Variants in KIF15 observed in about 807,000 individuals in gnomAD.
KIF15 encodes the protein kinesin family member 15, also known as kinesin-like protein KIF15.
A neutral mutation model predicts 190.6 loss-of-function variants in KIF15; 140 were observed. The ratio of observed to expected loss-of-function variants is 0.73; its 90% CI spans 0.64 to 0.84. The LOEUF is 0.84. Ranked by LOEUF, KIF15 falls within the 40% of genes least tolerant of loss-of-function variation. KIF15 has a pLI of 0.00. For missense variants in KIF15, 1,372 were observed against 1,584.4 expected (o/e 0.87, Z 2.28); for synonymous variants, 528 against 551.3 (o/e 0.96, Z 0.59).
chr3:44,776,158 TC>T (rs1458966490), intron 3 of KIF15, among the ~76,000 whole-genome samples: 2 of 151,984 alleles, frequency 1.3e-5, no homozygotes, highest in Non-Finnish European at 2.9e-5. Flanking sequence ...ACTGAAACGT[TC>T]CATAAATATT....
intron 20 of KIF15, among the ~76,000 whole-genome samples, chr3:44,823,907 GTA>G (rs1385351348): frequency 1.3e-5 from 2 of 152,170 alleles, no homozygotes; most frequent in Non-Finnish European, 2.9e-5. Flanking sequence ...ATTTTTCCAG[GTA>G]CAGTCTGTCA....
intron 7 of KIF15, among the ~76,000 whole-genome samples, chr3:44,789,688 A>G (rs1160653006): frequency 1.1e-5 from 1 of 95,170 alleles, no homozygotes; most frequent in Non-Finnish European, 2.2e-5. Context: ...ATATATATAT[A>G]TATAAAATAG....
chr3:44,845,516 TA>T (rs371915410), intron 30 of KIF15, among the ~76,000 whole-genome samples: 43 of 146,574 alleles, frequency 2.9e-4, no homozygotes, highest in Admixed American at 3.4e-4. Flanking sequence ...CTCTGGCACC[TA>T]AAAAAAAAAG....
At chr3:44,845,984 G>C (rs1458963744) in intron 30 of KIF15, among the ~76,000 whole-genome samples, 2 of 152,306 alleles carry the variant, frequency 1.3e-5, no homozygotes, top group African/African-American at 2.4e-5. Context: ...ATACATTAAT[G>C]GCCCGTCATA....
Position 44,810,960 on chromosome 3 carries a change from A to T in KIF15, c.2086A>T (p.Asn696Tyr). The change falls in exon 17 of 35, where the codon AAT (asparagine) becomes TAT (tyrosine). Residue 696 changes from asparagine (N) to tyrosine (Y), a missense_variant. Transcript: ENST00000326047. ...CACTCAGAATTCTAGCATATTAGAT[A>T]ATGATATATTAAATGAGCCAGTTCC... is the stretch of plus-strand genomic sequence containing the variant. ...LYTQNSSILD[N>Y]DILNEPVPPE... 1.2e-6 allele frequency: 2 copies of T among 1,613,420 alleles called. No homozygotes were observed. The highest frequency in any genetic ancestry group is 8.5e-7 in the Non-Finnish European group (1 of 1,179,656).
In KIF15 at chr3:44,838,356, C is replaced by T. The variant is rs1449773460; in HGVS notation, c.3253C>T (p.Leu1085=). 1.2e-6 allele frequency: 2 copies of T among 1,614,074 alleles called. No individual in the cohort carries two copies. The highest frequency in any genetic ancestry group is 2.2e-5 in the East Asian group (1 of 44,872). ...LTEASKKHSG[L]LQSAQEELTK... is the part of the protein sequence containing the mutation. The stretch of plus-strand genomic sequence containing the variant: ...AGAGGCCTCAAAAAAACACTCGGGG[C>T]TGCTGCAGTCTGCCCAGGAAGAACT... Residue 1085 remains leucine, a synonymous_variant, in exon 27 of 35, where the codon CTG becomes TTG. Transcript: ENST00000326047.
chr3:44,777,668 A>C (rs1043220796), intron 3 of KIF15, among the ~76,000 whole-genome samples: 1 of 152,224 alleles, frequency 6.6e-6, no homozygotes, highest in Non-Finnish European at 1.5e-5. Context: ...TAAAGGCGAC[A>C]GAGTGAGACT....
chr3:44,835,428 G>A (rs1490059658), intron 26 of KIF15, among the ~76,000 whole-genome samples: 1 of 151,930 alleles, frequency 6.6e-6, no homozygotes. Context: ...TTTTTGTAGA[G>A]ATGAGGTTTC....
chr3:44,811,117 C>A, intron 17 of KIF15, 74 bp downstream of exon 17: 2 of 1,162,672 alleles, frequency 1.7e-6, no homozygotes, highest in South Asian at 1.5e-5. Flanking sequence ...TTTTAATTCC[C>A]TATAAGTTAC....
intron 4 of KIF15, 152 bp downstream of exon 4, chr3:44,778,343 A>C: frequency 1.5e-6 from 1 of 667,604 alleles, no homozygotes; most frequent in South Asian, 1.8e-5. Flanking sequence ...TGGGTCTCTC[A>C]CAGGTAAAAT....
At chr3:44,849,518 C>T (rs1455318920) in intron 32 of KIF15, among the ~76,000 whole-genome samples, 1 of 151,958 alleles carries the variant, frequency 6.6e-6, no homozygotes, top group East Asian at 1.9e-4. Flanking sequence ...AAAGCTCTTG[C>T]CATTCTTTTA....
chr3:44,826,364 T>A lies in KIF15; in HGVS notation c.2701-11T>A, dbSNP rs1697648066. The A allele has an allele frequency of 6.2e-7, 1 of 1,608,482 alleles. No homozygotes were observed. Among genetic ancestry groups the A allele is most frequent in the African/African-American group, 1.3e-5 (1 of 74,746 alleles). ...AGTAACAGTTACTTAAAATCTAATG[T>A]TGTCTTTTAGAATTTGATGGAGCTT... On this transcript the variant is annotated splice_polypyrimidine_tract_variant and intron_variant, in intron 21 of 34. Transcript: ENST00000326047.
chr3:44,861,798 C>A (rs1699250808), intron 6 of KIF15: 1 of 1,117,422 alleles, frequency 8.9e-7, no homozygotes, highest in Non-Finnish European at 1.3e-6. Flanking sequence ...CGCCGGAGAG[C>A]GATTCCCAAG....
At chr3:44,837,489 A>G (rs1698376939) in intron 26 of KIF15, among the ~76,000 whole-genome samples, 1 of 152,208 alleles carries the variant, frequency 6.6e-6, no homozygotes, top group South Asian at 2.1e-4. Flanking sequence ...GAAAAGAGTG[A>G]GTACATGCAG....
chr3:44,820,990 C>G (rs1475820272), intron 20 of KIF15, among the ~76,000 whole-genome samples: 5 of 146,286 alleles, frequency 3.4e-5, no homozygotes, highest in South Asian at 4.4e-4. Context: ...CTGACCCCCC[C>G]ACCTCCCTCC....
chr3:44,790,696 T>A (rs1051931404), intron 7 of KIF15, among the ~76,000 whole-genome samples: 74 of 25,794 alleles, frequency 2.9e-3, no homozygotes, highest in Non-Finnish European at 2.8e-4. Flanking sequence ...TTTCTGTTTC[T>A]TTTTTTTTTT....
At chr3:44,804,985 G>T in intron 14 of KIF15, 42 bp from the exon 15 acceptor site, 1 of 1,352,228 alleles carries the variant, frequency 7.4e-7, no homozygotes, top group Admixed American at 2.4e-5. Context: ...CCCTGTCTCA[G>T]AAAAAAAAAA....
At chr3:44,805,358 C>T (rs987309760) in intron 15 of KIF15, among the ~76,000 whole-genome samples, 190 bp downstream of exon 15, 6 of 152,142 alleles carry the variant, frequency 3.9e-5, no homozygotes, top group South Asian at 2.1e-4. Flanking sequence ...CTAGGTAATA[C>T]AGGTGTTTTA....
intron 7 of KIF15, among the ~76,000 whole-genome samples, chr3:44,787,647 T>G (rs1376210210): frequency 3.3e-5 from 5 of 152,152 alleles, no homozygotes; most frequent in Non-Finnish European, 7.4e-5. Context: ...TCTGGAGGGA[T>G]TAACAATTCT....
Sources: allele counts gnomAD v4.1 joint callset (sites outside exome capture counted in the v4.1 genomes callset), GRCh38; gene constraint gnomAD v4.1.1; transcripts MANE v1.5; gene names NCBI Gene and HGNC (gene_info 2026-07-23, HGNC 2026-07-21).